RCOR1: variants seen among roughly 807,000 people sequenced by gnomAD.
The protein encoded by RCOR1 is REST corepressor 1.
In RCOR1, 12 loss-of-function variants were observed where a neutral mutation model predicts 64.0. The ratio of observed to expected loss-of-function variants is 0.19; its 90% CI spans 0.12 to 0.30. RCOR1 has a LOEUF of 0.30. Ranked by LOEUF, RCOR1 falls within the 10% of genes least tolerant of loss-of-function variation. The probability of loss-of-function intolerance (pLI) is 1.00; values close to 1 mark genes in which losing one functional copy is unlikely to be tolerated. For missense variants in RCOR1, 502 were observed against 621.2 expected (o/e 0.81, Z 2.04); for synonymous variants, 279 against 227.2 (o/e 1.23, Z -2.05).
intron 3 of RCOR1, among the ~76,000 whole-genome samples, chr14:102,697,648 C>T (rs1257289319): frequency 6.6e-6 from 1 of 151,954 alleles, no homozygotes; most frequent in Non-Finnish European, 1.5e-5. Flanking sequence ...CATGTGTCTT[C>T]ATTTAAGTAG....
intron 2 of RCOR1, among the ~76,000 whole-genome samples, chr14:102,651,580 AT>A (rs1333574653): frequency 6.6e-6 from 1 of 152,056 alleles, no homozygotes; most frequent in East Asian, 1.9e-4. Context: ...AGAAAAAAGA[AT>A]TTGAAAATAG....
At chr14:102,659,611 C>A (rs1894792249) in intron 2 of RCOR1, among the ~76,000 whole-genome samples, 1 of 152,180 alleles carries the variant, frequency 6.6e-6, no homozygotes. Flanking sequence ...GGTTTCCCCA[C>A]CTTTAAGTAA....
intron 2 of RCOR1, among the ~76,000 whole-genome samples, chr14:102,600,178 C>G (rs1182563104): frequency 6.6e-6 from 1 of 151,982 alleles, no homozygotes; most frequent in South Asian, 2.1e-4. Context: ...GCTCCGCCTC[C>G]CGGGTTCACG....
chr14:102,627,319 G>A (rs968077368), intron 2 of RCOR1, among the ~76,000 whole-genome samples: 1 of 152,150 alleles, frequency 6.6e-6, no homozygotes, highest in Non-Finnish European at 1.5e-5. Context: ...CATCTCTGTT[G>A]TATCATTCTT....
chr14:102,610,368 TTAAA>T (rs1377425246), intron 2 of RCOR1, among the ~76,000 whole-genome samples: 1 of 152,210 alleles, frequency 6.6e-6, no homozygotes, highest in Admixed American at 6.5e-5. Flanking sequence ...TTAATTAAAA[TTAAA>T]TAAAATTAAA....
intron 2 of RCOR1, among the ~76,000 whole-genome samples, chr14:102,651,860 C>T (rs1354448225): frequency 4.6e-5 from 7 of 152,092 alleles, no homozygotes; most frequent in African/African-American, 1.7e-4. Flanking sequence ...AGGCATGAGC[C>T]GTCATGCCTG....
chr14:102,704,631 C>CCTG (rs1895812598), intron 4 of RCOR1, among the ~76,000 whole-genome samples: 3 of 152,290 alleles, frequency 2.0e-5, no homozygotes, highest in South Asian at 4.1e-4. Flanking sequence ...AGGGTTTCAC[C>CCTG]ATGTTGGTCA....
At chr14:102,726,437 C>CT (rs372942415) in intron 11 of RCOR1, 31 bp from the exon 12 acceptor site, 67,705 of 1,386,838 alleles carry the variant, frequency 0.049, 17 homozygotes, top group Non-Finnish European at 0.053. Flanking sequence ...CTCTTTGATC[C>CT]TTTTTTTTTT....
intron 2 of RCOR1, among the ~76,000 whole-genome samples, chr14:102,614,083 C>T (rs1359192996): frequency 1.3e-5 from 2 of 151,364 alleles, no homozygotes; most frequent in African/African-American, 4.9e-5. Flanking sequence ...TTGGTAGAGA[C>T]GGGGTTTCTC....
At chr14:102,603,925 A>T (rs1052362974) in intron 2 of RCOR1, among the ~76,000 whole-genome samples, 3 of 151,854 alleles carry the variant, frequency 2.0e-5, no homozygotes, top group African/African-American at 7.3e-5. Flanking sequence ...ATATATTTGG[A>T]TATTCTTTGT....
intron 3 of RCOR1, among the ~76,000 whole-genome samples, chr14:102,698,376 C>A (rs185027241): frequency 6.6e-6 from 1 of 152,184 alleles, no homozygotes; most frequent in African/African-American, 2.4e-5. Context: ...CTGGGCCACT[C>A]CAGGGACTCC....
At chr14:102,666,616 T>A (rs1427117206) in intron 2 of RCOR1, among the ~76,000 whole-genome samples, 1 of 152,210 alleles carries the variant, frequency 6.6e-6, no homozygotes, top group Non-Finnish European at 1.5e-5. Flanking sequence ...TGACAGTTTC[T>A]CAAGATTTTT....
At chr14:102,604,086 T>C (rs1595190392) in intron 2 of RCOR1, among the ~76,000 whole-genome samples, 1 of 152,350 alleles carries the variant, frequency 6.6e-6, no homozygotes, top group East Asian at 1.9e-4. Flanking sequence ...CCCTGATTTC[T>C]AAGATGAATG....
intron 2 of RCOR1, among the ~76,000 whole-genome samples, chr14:102,615,350 C>T (rs1893736594): frequency 6.6e-6 from 1 of 151,450 alleles, no homozygotes; most frequent in Non-Finnish European, 1.5e-5. Context: ...CCATGTTGTC[C>T]CAGCTGGTCT....
intron 2 of RCOR1, among the ~76,000 whole-genome samples, chr14:102,601,605 C>T (rs1893399292): frequency 6.6e-6 from 1 of 152,304 alleles, no homozygotes; most frequent in South Asian, 2.1e-4. Context: ...GATAGAGGAA[C>T]CTCAAACTGC....
intron 4 of RCOR1, 97 bp downstream of exon 4, chr14:102,701,427 C>T: frequency 1.1e-6 from 1 of 907,610 alleles, no homozygotes; most frequent in Non-Finnish European, 1.6e-6. Flanking sequence ...AGCAGTGTTT[C>T]TTCATTAGCA....
intron 4 of RCOR1, 100 bp from the exon 5 acceptor site, chr14:102,707,251 G>A (rs1395549081): frequency 2.0e-6 from 2 of 1,004,956 alleles, no homozygotes; most frequent in Non-Finnish European, 2.9e-6. Flanking sequence ...GAGTTAGTTT[G>A]TCTAAATATG....
At chr14:102,689,430 A>G (rs1235083840) in intron 3 of RCOR1, among the ~76,000 whole-genome samples, 1 of 152,200 alleles carries the variant, frequency 6.6e-6, no homozygotes, top group African/African-American at 2.4e-5. Context: ...ATAATCAACT[A>G]AATTGCTCAT....
chr14:102,697,070 G>C (rs1410243277), intron 3 of RCOR1, among the ~76,000 whole-genome samples: 1 of 152,138 alleles, frequency 6.6e-6, no homozygotes, highest in African/African-American at 2.4e-5. Context: ...GAAAACAAAA[G>C]CTGAGGATTA....
Sources: allele counts gnomAD v4.1 joint callset (sites outside exome capture counted in the v4.1 genomes callset), GRCh38; gene constraint gnomAD v4.1.1; transcripts MANE v1.5; gene names NCBI Gene and HGNC (gene_info 2026-07-23, HGNC 2026-07-21).